Variants in TRAP1 observed in about 807,000 individuals in gnomAD.
TRAP1 encodes the protein heat shock protein 75 kDa, mitochondrial.
TRAP1 carries 102 observed loss-of-function variants against 89.1 expected under a neutral mutation model. The ratio of observed to expected loss-of-function variants is 1.15; its 90% CI spans 0.98 to 1.35. The LOEUF is 1.35. TRAP1 is among the 40% of genes most tolerant of loss of function. The pLI is 0.00. For missense variants in TRAP1, 1,256 were observed against 945.3 expected (o/e 1.33, Z -4.31); for synonymous variants, 508 against 388.0 (o/e 1.31, Z -3.64).
chr16:3,700,515 G>A (rs2051351280), intron 1 of TRAP1, among the ~76,000 whole-genome samples: 1 of 152,114 alleles, frequency 6.6e-6, no homozygotes, highest in Admixed American at 6.6e-5. Flanking sequence ...TGCCCAGGCT[G>A]GAGTGCACTG....
chr16:3,681,863 C>A (rs1026040302), intron 4 of TRAP1, among the ~76,000 whole-genome samples: 1 of 152,040 alleles, frequency 6.6e-6, no homozygotes, highest in South Asian at 2.1e-4. Context: ...CAAGCCGATT[C>A]TAAAATGTAT....
chr16:3,681,840 T>C (rs2051077142), intron 4 of TRAP1, among the ~76,000 whole-genome samples: 1 of 152,222 alleles, frequency 6.6e-6, no homozygotes, highest in Admixed American at 6.5e-5. Context: ...CTCACAGGTT[T>C]TGTAGAAAAT....
rs140396775 is a variant in TRAP1, at chr16:3,658,723, C to T, written c.2013+70G>A. On this transcript the variant is annotated intron_variant, in intron 17 of 17. Coordinates refer to ENST00000246957, the MANE Select transcript of TRAP1 (RefSeq NM_016292.3). ...CAGGATTTTAGAGGAAACCGCTGTT[C>T]CACCCTGAAGGCAGGCTGGCAGGGC... 4 of 1,449,040 alleles carry T rather than the reference C, an allele frequency of 2.8e-6. No homozygotes were observed. In the African/African-American group the frequency reaches 4.2e-5, roughly 15 times the overall value. 89.8% of individuals were successfully genotyped at this position (1,449,040 alleles called of 1,614,324 possible). A position where few individuals can be genotyped will look rare whatever the true frequency, so the allele number is the denominator to read the frequency against.
At chr16:3,676,298 C>T in intron 6 of TRAP1, 153 bp from the exon 7 acceptor site, 1 of 496,548 alleles carries the variant, frequency 2.0e-6, no homozygotes, top group South Asian at 3.3e-5. Flanking sequence ...GCGCACCACT[C>T]AGGCCATCAC....
chr16:3,668,084 C>G (rs989066658), intron 11 of TRAP1, among the ~76,000 whole-genome samples: 1 of 152,062 alleles, frequency 6.6e-6, no homozygotes, highest in Non-Finnish European at 1.5e-5. Flanking sequence ...CCTGCCACCA[C>G]GACTGGCTAA....
intron 1 of TRAP1, among the ~76,000 whole-genome samples, chr16:3,714,521 T>C (rs1475831376): frequency 1.3e-5 from 2 of 152,106 alleles, no homozygotes; most frequent in Admixed American, 6.6e-5. Context: ...TAGCTGGGTG[T>C]GGTGGCATGC....
chr16:3,670,921 C>G (rs186330494), intron 11 of TRAP1, among the ~76,000 whole-genome samples: 1 of 152,112 alleles, frequency 6.6e-6, no homozygotes, highest in Admixed American at 6.5e-5. Flanking sequence ...GGACCAGTGC[C>G]TCTCGGTGTG....
chr16:3,683,790 A>T (rs1301398140), intron 4 of TRAP1, among the ~76,000 whole-genome samples: 1 of 139,966 alleles, frequency 7.1e-6, no homozygotes, highest in African/African-American at 2.6e-5. Flanking sequence ...AATATTTACT[A>T]AAAAAAAAAA....
rs117762426 is a variant in TRAP1, at chr16:3,701,154, T to C, written c.89-10169A>G. 8.0e-3 allele frequency among the ~76,000 whole-genome samples: 1,221 copies of C among 152,274 alleles called. 10 individuals carry two copies. The highest frequency in any genetic ancestry group is 0.014 in the Middle Eastern group (4 of 294). On this transcript the variant is annotated intron_variant, in intron 1 of 17. Transcript: ENST00000246957. Reference sequence around the variant, plus strand: ...GTTTAAGAAAGCTGGAGTGGCTCTATTAATATCAAGTAAAATACATTTCAA... The same window carrying C: ...GTTTAAGAAAGCTGGAGTGGCTCTACTAATATCAAGTAAAATACATTTCAA...
At chr16:3,664,642 C>T (rs2050785941) in intron 12 of TRAP1, 183 bp from the exon 13 acceptor site, 1 of 627,446 alleles carries the variant, frequency 1.6e-6, no homozygotes, top group African/African-American at 1.9e-5. Context: ...CATCAGGCCC[C>T]TTTTGGGAGC....
intron 16 of TRAP1, chr16:3,660,779 C>CTGGGGG (rs1452342673): frequency 6.6e-6 from 1 of 152,150 alleles, no homozygotes; most frequent in Non-Finnish European, 1.5e-5. Context: ...CAAAAACTGG[C>CTGGGGG]TGGGGGTGGT....
chr16:3,669,174 T>G (rs1436950844), intron 11 of TRAP1, among the ~76,000 whole-genome samples: 1 of 152,182 alleles, frequency 6.6e-6, no homozygotes, highest in East Asian at 1.9e-4. Context: ...AAGCCCTCTC[T>G]TCACTGAAGT....
rs766657977 is a variant in TRAP1 at position 3,672,831 on chromosome 16, G to T, written c.1045-11C>A. The T allele has an allele frequency of 1.2e-6, 2 of 1,610,644 alleles. No homozygotes were observed. Among genetic ancestry groups the T allele is most frequent in the East Asian group, 4.5e-5 (2 of 44,846 alleles). The stretch of plus-strand genomic sequence containing the variant: ...AAACATGGACGGTTTCTGGGGGTGA[G>T]GAGAACACGCCATCATGCAGCACTG... On this transcript the variant is annotated splice_polypyrimidine_tract_variant and intron_variant, in intron 9 of 17. Coordinates refer to ENST00000246957, the MANE Select transcript of TRAP1 (RefSeq NM_016292.3).
At chr16:3,670,147 C>T (rs1393548190) in intron 11 of TRAP1, among the ~76,000 whole-genome samples, 1 of 151,864 alleles carries the variant, frequency 6.6e-6, no homozygotes, top group Non-Finnish European at 1.5e-5. Flanking sequence ...CTTTGGGAGG[C>T]CAAGGCAGGC....
intron 1 of TRAP1, among the ~76,000 whole-genome samples, chr16:3,697,252 C>A (rs926593358): frequency 6.6e-6 from 1 of 152,120 alleles, no homozygotes; most frequent in African/African-American, 2.4e-5. Flanking sequence ...AGCACTGTCC[C>A]GTATTTTTAA....
At chr16:3,699,856 C>G (rs1279315361) in intron 1 of TRAP1, among the ~76,000 whole-genome samples, 1 of 145,156 alleles carries the variant, frequency 6.9e-6, no homozygotes, top group Non-Finnish European at 1.5e-5. Context: ...TTTTTTTTTC[C>G]TAGAGATAGG....
intron 1 of TRAP1, among the ~76,000 whole-genome samples, chr16:3,709,851 T>C (rs559916950): frequency 6.6e-6 from 1 of 152,176 alleles, no homozygotes; most frequent in Non-Finnish European, 1.5e-5. Flanking sequence ...GGTTTCTCCA[T>C]GTTGGTCAGG....
At chr16:3,679,964 T>C in intron 4 of TRAP1, 174 bp from the exon 5 acceptor site, 1 of 630,594 alleles carries the variant, frequency 1.6e-6, no homozygotes, top group South Asian at 1.8e-5. Flanking sequence ...GAGTGATGGT[T>C]CATGCCTGTA....
At chr16:3,716,022 C>T (rs753737870) in intron 1 of TRAP1, among the ~76,000 whole-genome samples, 1 of 152,094 alleles carries the variant, frequency 6.6e-6, no homozygotes, top group Non-Finnish European at 1.5e-5. Context: ...GCCACCACAC[C>T]CAGCTAATTT....
Sources: gnomAD v4.1 joint callset for allele counts (sites outside exome capture counted in the v4.1 genomes callset) on GRCh38, gnomAD v4.1.1 for gene constraint, MANE v1.5 for transcripts, NCBI Gene and HGNC (gene_info 2026-07-23, HGNC 2026-07-21) for gene names.